The following RALYL variants were observed in gnomAD, a reference collection of about 807,000 sequenced individuals.
RALYL encodes the protein RALY RNA binding protein like, also known as RNA-binding Raly-like protein.
Under a neutral mutation model 35.1 loss-of-function variants are expected in RALYL, and 29 were observed. The observed-to-expected ratio is 0.83, with a 90% CI of 0.61 to 1.13. The LOEUF (loss-of-function observed/expected upper bound fraction) is 1.13. Among genes scored for constraint, RALYL ranks in the 50% most tolerant of loss-of-function variants. The probability of loss-of-function intolerance (pLI) is 0.00; values close to 1 mark genes in which losing one functional copy is unlikely to be tolerated. For synonymous variants in RALYL, 120 were observed against 127.6 expected (o/e 0.94, Z 0.40); for missense variants, 359 against 360.4 (o/e 1.00, Z 0.03).
chr8:84,880,318 G>T (rs1243037454), intron 7 of RALYL, among the ~76,000 whole-genome samples: 1 of 152,084 alleles, frequency 6.6e-6, no homozygotes, highest in Admixed American at 6.6e-5. Flanking sequence ...TGGTCAGGAA[G>T]AAACCTACCT....
chr8:84,488,288 A>C (rs1419291243), intron 1 of RALYL, among the ~76,000 whole-genome samples: 1 of 152,230 alleles, frequency 6.6e-6, no homozygotes, highest in Admixed American at 6.6e-5. Context: ...TGCATGAGTT[A>C]TCCCCTATCT....
chr8:84,458,536 C>T (rs904026691), intron 1 of RALYL, among the ~76,000 whole-genome samples: 3 of 151,660 alleles, frequency 2.0e-5, no homozygotes, highest in Admixed American at 2.0e-4. Flanking sequence ...GATATGCTTT[C>T]CCCTAATTAC....
chr8:84,234,007 C>T (rs1048363130), intron 1 of RALYL, among the ~76,000 whole-genome samples: 1 of 152,104 alleles, frequency 6.6e-6, no homozygotes, highest in African/African-American at 2.4e-5. Flanking sequence ...TATCCTGATG[C>T]ACCTTTGATT....
At chr8:84,311,034 A>G (rs1193012987) in intron 1 of RALYL, among the ~76,000 whole-genome samples, 1 of 114,828 alleles carries the variant, frequency 8.7e-6, no homozygotes, top group Admixed American at 8.9e-5. Flanking sequence ...GACCTGGGCG[A>G]CAGAGCGAGA....
At chr8:84,562,014 CTT>C (rs1279810123) in intron 2 of RALYL, among the ~76,000 whole-genome samples, 2 of 151,876 alleles carry the variant, frequency 1.3e-5, no homozygotes, top group Non-Finnish European at 2.9e-5. Flanking sequence ...GTATATAAGA[CTT>C]TTTTCCTACT....
intron 1 of RALYL, among the ~76,000 whole-genome samples, chr8:84,471,152 A>G (rs577926856): frequency 9.8e-5 from 15 of 152,372 alleles, no homozygotes; most frequent in Non-Finnish European, 1.9e-4. Context: ...AATTTCTTGG[A>G]CAGAGAAAGT....
chr8:84,572,155 G>A (rs1808158521), intron 2 of RALYL, among the ~76,000 whole-genome samples: 1 of 151,774 alleles, frequency 6.6e-6, no homozygotes, highest in Admixed American at 6.6e-5. Context: ...GTCTGTTTGT[G>A]TCTTTAGCAA....
chr8:84,854,210 G>T (rs866472696), intron 5 of RALYL, among the ~76,000 whole-genome samples: 3 of 152,050 alleles, frequency 2.0e-5, no homozygotes, highest in Non-Finnish European at 2.9e-5. Context: ...GCCAGGTCTG[G>T]TGGTGGGCGC....
chr8:84,829,975 A>G (rs1830530196), intron 4 of RALYL, among the ~76,000 whole-genome samples: 1 of 133,084 alleles, frequency 7.5e-6, no homozygotes, highest in Non-Finnish European at 1.6e-5. Context: ...AAGCTCACAT[A>G]TTTTCTCTAT....
At chr8:84,543,676 A>G (rs2135298932) in intron 2 of RALYL, among the ~76,000 whole-genome samples, 1 of 152,116 alleles carries the variant, frequency 6.6e-6, no homozygotes, top group South Asian at 2.1e-4. Flanking sequence ...TGGCTTTGAC[A>G]CCATATTTAT....
At chr8:84,745,013 C>T (rs1454591095) in intron 2 of RALYL, among the ~76,000 whole-genome samples, 1 of 151,790 alleles carries the variant, frequency 6.6e-6, no homozygotes, top group Non-Finnish European at 1.5e-5. Flanking sequence ...AAAACACTCA[C>T]CTCCATGAAC....
chr8:84,723,612 G>A (rs1272673972), intron 2 of RALYL, among the ~76,000 whole-genome samples: 1 of 151,870 alleles, frequency 6.6e-6, no homozygotes, highest in South Asian at 2.1e-4. Context: ...TAATAAATGT[G>A]TCTTTCCATC....
chr8:84,263,807 C>A (rs1832755932), intron 1 of RALYL, among the ~76,000 whole-genome samples: 1 of 152,076 alleles, frequency 6.6e-6, no homozygotes, highest in Admixed American at 6.5e-5. Context: ...TTGTTCCTCT[C>A]CCTGTGTCCA....
At chr8:84,873,227 G>T in intron 6 of RALYL, 57 bp from the exon 7 acceptor site, 2 of 932,648 alleles carry the variant, frequency 2.1e-6, no homozygotes, top group Non-Finnish European at 3.4e-6. Flanking sequence ...TTCGGTCCTA[G>T]GTGAGTTATG....
chr8:84,761,220 G>A (rs897764288), intron 2 of RALYL, among the ~76,000 whole-genome samples: 2 of 151,864 alleles, frequency 1.3e-5, no homozygotes, highest in African/African-American at 4.8e-5. Flanking sequence ...AGTCAACAAT[G>A]TCAAAACTAT....
At chr8:84,578,058 C>G (rs1564177628) in intron 2 of RALYL, among the ~76,000 whole-genome samples, 2 of 152,236 alleles carry the variant, frequency 1.3e-5, no homozygotes, top group Non-Finnish European at 2.9e-5. Flanking sequence ...GCACTCATCT[C>G]ATGCCACCAG....
chr8:84,588,841 T>A (rs973723054), intron 2 of RALYL, among the ~76,000 whole-genome samples: 2 of 152,122 alleles, frequency 1.3e-5, no homozygotes, highest in Non-Finnish European at 2.9e-5. Context: ...GAGTTATTCA[T>A]AAAGAAGAGA....
At chr8:84,849,847 C>T in intron 4 of RALYL, 133 bp from the exon 5 acceptor site, 1 of 530,722 alleles carries the variant, frequency 1.9e-6, no homozygotes, top group Non-Finnish European at 3.3e-6. Context: ...TTGGAAGGTC[C>T]TTTGGATGCA....
intron 3 of RALYL, among the ~76,000 whole-genome samples, chr8:84,803,577 A>G (rs1184092490): frequency 6.6e-6 from 1 of 152,178 alleles, no homozygotes; most frequent in East Asian, 1.9e-4. Context: ...AGCACCAACT[A>G]TTGGTTTTAT....
Sources: gnomAD v4.1 joint callset for allele counts (sites outside exome capture counted in the v4.1 genomes callset) on GRCh38, gnomAD v4.1.1 for gene constraint, MANE v1.5 for transcripts, NCBI Gene and HGNC (gene_info 2026-07-23, HGNC 2026-07-21) for gene names.